The following NRXN1 variants were observed in gnomAD, a reference collection of about 807,000 sequenced individuals.
The protein encoded by NRXN1 is neurexin-1.
A neutral mutation model predicts 150.9 loss-of-function variants in NRXN1; 39 were observed. The observed-to-expected ratio is 0.26, with a 90% CI of 0.20 to 0.34. The LOEUF is 0.34. Among genes scored for constraint, NRXN1 ranks in the 10% least tolerant of loss-of-function variants. NRXN1 has a pLI of 1.00. For synonymous variants in NRXN1, 924 were observed against 757.0 expected, an observed-to-expected ratio of 1.22 and a Z score of -3.62; for missense variants, 1,815 against 1,949.9, an observed-to-expected ratio of 0.93 and a Z score of 1.30.
intron 18 of NRXN1, among the ~76,000 whole-genome samples, chr2:50,119,588 T>G (rs1365524073): frequency 2.6e-5 from 4 of 152,006 alleles, no homozygotes; most frequent in Admixed American, 1.3e-4. Flanking sequence ...AACTATCATT[T>G]GAATGTAATA....
At chr2:50,607,367 C>T (rs1428267098) in intron 8 of NRXN1, among the ~76,000 whole-genome samples, 1 of 152,038 alleles carries the variant, frequency 6.6e-6, no homozygotes, top group African/African-American at 2.4e-5. Context: ...AGAGAGGTGC[C>T]GTACTTCATG....
chr2:50,640,477 T>C (rs1252966322), intron 5 of NRXN1, among the ~76,000 whole-genome samples: 3 of 152,168 alleles, frequency 2.0e-5, no homozygotes, highest in Non-Finnish European at 4.4e-5. Flanking sequence ...GAGAAACACT[T>C]AAATGCATTT....
At chr2:50,102,506 C>A (rs1701107989) in intron 18 of NRXN1, among the ~76,000 whole-genome samples, 1 of 152,042 alleles carries the variant, frequency 6.6e-6, no homozygotes, top group Non-Finnish European at 1.5e-5. Flanking sequence ...ACTCCTGGCA[C>A]TCTGTTAAGT....
intron 5 of NRXN1, among the ~76,000 whole-genome samples, chr2:50,727,007 A>G (rs928848722): frequency 6.6e-6 from 1 of 152,152 alleles, no homozygotes; most frequent in Non-Finnish European, 1.5e-5. Flanking sequence ...TAAATAAATA[A>G]GAAGTATTCT....
At chr2:50,622,565 G>A (rs781271298) in intron 6 of NRXN1, among the ~76,000 whole-genome samples, 4 of 151,984 alleles carry the variant, frequency 2.6e-5, no homozygotes, top group Admixed American at 6.6e-5. Flanking sequence ...ATTTTCATTC[G>A]TATATATACT....
chr2:50,957,422 G>A (rs1223628910), intron 2 of NRXN1, among the ~76,000 whole-genome samples: 1 of 152,140 alleles, frequency 6.6e-6, no homozygotes. Flanking sequence ...ATAACTGGGA[G>A]TGGATATTAC....
intron 5 of NRXN1, among the ~76,000 whole-genome samples, chr2:50,868,861 C>T (rs1181251525): frequency 6.6e-6 from 1 of 151,736 alleles, no homozygotes; most frequent in Admixed American, 6.6e-5. Flanking sequence ...TGTAGGATTA[C>T]CTTAACATTC....
intron 10 of NRXN1, among the ~76,000 whole-genome samples, chr2:50,535,919 C>T (rs552471999): frequency 1.3e-5 from 2 of 151,978 alleles, no homozygotes; most frequent in East Asian, 3.9e-4. Flanking sequence ...TCAATTTTTG[C>T]TCAAAGTTAA....
At chr2:50,125,118 G>A (rs906764690) in intron 18 of NRXN1, among the ~76,000 whole-genome samples, 73 of 152,082 alleles carry the variant, frequency 4.8e-4, no homozygotes, top group African/African-American at 1.7e-3. Flanking sequence ...TATTGTTTTG[G>A]AACTGTCTCT....
chr2:51,015,577 T>C (rs141066144), intron 2 of NRXN1, among the ~76,000 whole-genome samples: 1 of 151,940 alleles, frequency 6.6e-6, no homozygotes, highest in Non-Finnish European at 1.5e-5. Flanking sequence ...TTCTAACTCC[T>C]GAAGCTCTAC....
rs868075370 is a variant in NRXN1, at chr2:50,642,779, G to T, written c.833-19164C>A. 1.3e-5 allele frequency among the ~76,000 whole-genome samples: 2 copies of T among 151,894 alleles called. 1 individual carries two copies. Among genetic ancestry groups the T allele is most frequent in the East Asian group, 3.9e-4 (2 of 5,166 alleles). ...GTTTGGAAAGCACTATTCAGGTTTA[G>T]TATATAGGAGGAAATAGGGATGGGA... On this transcript the variant is annotated intron_variant, in intron 5 of 22. Transcript: ENST00000401669.
intron 17 of NRXN1, chr2:50,417,253 G>A (rs1462983073): frequency 6.6e-6 from 1 of 152,092 alleles, no homozygotes; most frequent in African/African-American, 2.4e-5. Flanking sequence ...GTGTGCTCTT[G>A]ATCTGGATAC....
At chr2:50,444,403 C>A (rs2086223193) in intron 17 of NRXN1, among the ~76,000 whole-genome samples, 2 of 152,088 alleles carry the variant, frequency 1.3e-5, no homozygotes. Flanking sequence ...AATTACAGCA[C>A]CCACAGAACC....
At chr2:50,532,226 G>A (rs2093135011) in intron 10 of NRXN1, among the ~76,000 whole-genome samples, 2 of 151,998 alleles carry the variant, frequency 1.3e-5, no homozygotes, top group African/African-American at 4.8e-5. Context: ...TTATTCATCT[G>A]CACAATGAGA....
chr2:50,342,604 G>A (rs2077628354), intron 17 of NRXN1, among the ~76,000 whole-genome samples: 1 of 152,206 alleles, frequency 6.6e-6, no homozygotes, highest in Non-Finnish European at 1.5e-5. Context: ...CTCCTCAGCA[G>A]AATCAATGAA....
chr2:50,831,010 G>C (rs1671336307), intron 5 of NRXN1, among the ~76,000 whole-genome samples: 1 of 152,120 alleles, frequency 6.6e-6, no homozygotes, highest in Non-Finnish European at 1.5e-5. Context: ...GAAATGTTTT[G>C]ATGCAGGCAT....
intron 12 of NRXN1, among the ~76,000 whole-genome samples, chr2:50,513,935 G>C (rs948815329): frequency 2.0e-5 from 3 of 152,078 alleles, no homozygotes; most frequent in Non-Finnish European, 2.9e-5. Flanking sequence ...CCCTCTAGTG[G>C]TGCATATATT....
intron 18 of NRXN1, among the ~76,000 whole-genome samples, chr2:50,095,253 G>T (rs565515729): frequency 7.2e-5 from 11 of 152,184 alleles, no homozygotes; most frequent in Non-Finnish European, 1.5e-4. Context: ...GCAAAGCACT[G>T]TTGAGACTCC....
rs972585449 is a variant in NRXN1, at chr2:50,165,081, C to A, written c.3546+71708G>T. ...ACCTAAAAAGCCAAGGAGAAAAGCC[C>A]TCTCTGATCCTCACAACCCCCTGAG... On this transcript the variant is annotated intron_variant, in intron 18 of 22. Transcript: ENST00000401669. Among the ~76,000 whole-genome samples the A allele has an allele frequency of 4.6e-5, 7 of 152,246 alleles. 1 individual carries two copies. The highest frequency in any genetic ancestry group is 3.3e-4 in the Admixed American group (5 of 15,290).
Sources: gnomAD v4.1 joint callset for allele counts (sites outside exome capture counted in the v4.1 genomes callset) on GRCh38, gnomAD v4.1.1 for gene constraint, MANE v1.5 for transcripts, NCBI Gene and HGNC (gene_info 2026-07-23, HGNC 2026-07-21) for gene names.